The following CDH13 variants were observed in gnomAD, a reference collection of about 807,000 sequenced individuals.
CDH13 encodes the protein cadherin 13, also known as cadherin-13.
Under a neutral mutation model 63.8 loss-of-function variants are expected in CDH13, and 24 were observed. The ratio of observed to expected loss-of-function variants is 0.38; its 90% confidence interval spans 0.27 to 0.53. The LOEUF is 0.53. Ranked by LOEUF, CDH13 falls within the 20% of genes least tolerant of loss-of-function variation. The pLI is 0.85. For synonymous variants in CDH13, 503 were observed against 355.3 expected (o/e 1.42, Z -4.67); for missense variants, 1,049 against 903.1 (o/e 1.16, Z -2.07).
At chr16:83,324,171 C>T (rs546040298) in intron 5 of CDH13, among the ~76,000 whole-genome samples, 27 of 151,790 alleles carry the variant, frequency 1.8e-4, no homozygotes, top group East Asian at 9.7e-4. Flanking sequence ...TGAGTATCTG[C>T]GATGACAGGC....
At chr16:82,967,085 G>C (rs1907953261) in intron 2 of CDH13, among the ~76,000 whole-genome samples, 1 of 152,168 alleles carries the variant, frequency 6.6e-6, no homozygotes, top group African/African-American at 2.4e-5. Context: ...CCATGACATA[G>C]TTGAAGATTA....
chr16:82,667,063 A>C (rs931592298), intron 1 of CDH13, among the ~76,000 whole-genome samples: 22 of 152,188 alleles, frequency 1.4e-4, no homozygotes, highest in African/African-American at 4.6e-4. Flanking sequence ...CAAAGGAATC[A>C]GCTGTTCCTT....
intron 6 of CDH13, among the ~76,000 whole-genome samples, chr16:83,382,257 T>C (rs541711039): frequency 8.1e-4 from 123 of 152,158 alleles, no homozygotes; most frequent in Non-Finnish European, 1.4e-3. Context: ...AAAATGAACA[T>C]TGACCAATAC....
chr16:82,828,929 A>G (rs1176707023), intron 1 of CDH13, among the ~76,000 whole-genome samples: 2 of 152,124 alleles, frequency 1.3e-5, no homozygotes, highest in Non-Finnish European at 2.9e-5. Flanking sequence ...ACCAAGGGAC[A>G]ATTGTGCTAA....
At chr16:82,947,583 A>T (rs1335504584) in intron 2 of CDH13, among the ~76,000 whole-genome samples, 1 of 152,206 alleles carries the variant, frequency 6.6e-6, no homozygotes, top group Non-Finnish European at 1.5e-5. Flanking sequence ...AATTTTACAA[A>T]AAGACATTTT....
At chr16:83,122,659 C>T (rs2035634575) in intron 3 of CDH13, among the ~76,000 whole-genome samples, 1 of 152,176 alleles carries the variant, frequency 6.6e-6, no homozygotes, top group African/African-American at 2.4e-5. Context: ...TGCAGTGGCT[C>T]ATGAAGAGAG....
At chr16:83,297,470 A>G (rs2089629582) in intron 5 of CDH13, among the ~76,000 whole-genome samples, 4 of 152,216 alleles carry the variant, frequency 2.6e-5, no homozygotes. Flanking sequence ...GTGGGACGCA[A>G]GTGAATGTAA....
chr16:83,334,062 C>T (rs1229311517), intron 5 of CDH13, among the ~76,000 whole-genome samples: 2 of 152,084 alleles, frequency 1.3e-5, no homozygotes, highest in African/African-American at 2.4e-5. Flanking sequence ...CCTTTTCTAG[C>T]TTCTAAAGGC....
chr16:83,227,580 A>G (rs1342647382), intron 5 of CDH13, among the ~76,000 whole-genome samples: 2 of 152,190 alleles, frequency 1.3e-5, no homozygotes, highest in African/African-American at 4.8e-5. Context: ...TGGCCTGCCC[A>G]CTGCTTCCTG....
chr16:83,793,205 T>A (rs751897011), intron 13 of CDH13, among the ~76,000 whole-genome samples: 1 of 152,180 alleles, frequency 6.6e-6, no homozygotes, highest in Non-Finnish European at 1.5e-5. Context: ...TTTTATGAAC[T>A]CTTAGTCCTG....
chr16:83,334,047 C>T (rs905990882), intron 5 of CDH13, among the ~76,000 whole-genome samples: 8 of 152,074 alleles, frequency 5.3e-5, no homozygotes, highest in Non-Finnish European at 1.2e-4. Flanking sequence ...AAACCCATTT[C>T]CTTGCCTTTT....
rs561865651 is a variant in CDH13, at chr16:83,324,149, G to A, written c.637-20713G>A. Among the ~76,000 whole-genome samples the A allele has an allele frequency of 2.0e-5, 3 of 150,788 alleles. No individual in the cohort carries two copies. In the South Asian group the frequency reaches 6.3e-4, roughly 31 times the overall value. The stretch of plus-strand genomic sequence containing the variant: ...ACCTCCCAGGTTCAAGTAGTTCCTT[G>A]CCTCAGCCTCCTGAGTATCTGCGAT... On this transcript the variant is annotated intron_variant, in intron 5 of 13. Coordinates refer to ENST00000567109, the MANE Select transcript of CDH13 (RefSeq NM_001257.5).
chr16:82,779,614 G>A (rs2035656190), intron 1 of CDH13, among the ~76,000 whole-genome samples: 1 of 152,140 alleles, frequency 6.6e-6, no homozygotes, highest in Admixed American at 6.5e-5. Context: ...CCAGAAGAAA[G>A]ATTTAAACAA....
chr16:83,242,178 T>C (rs933684406), intron 5 of CDH13, among the ~76,000 whole-genome samples: 6 of 152,196 alleles, frequency 3.9e-5, no homozygotes, highest in Non-Finnish European at 7.3e-5. Context: ...TTCTGTTTCA[T>C]TGAGCTAGAT....
Position 83,795,636 on chromosome 16 carries a change from G to C in CDH13, c.*606G>C, listed in dbSNP as rs1036743378. On this transcript the variant is annotated 3_prime_UTR_variant, in exon 14 of 14. Coordinates refer to ENST00000567109, the MANE Select transcript of CDH13 (RefSeq NM_001257.5). ...AATGCTGCCACAACCAGCCAGGCAG[G>C]TCCACAGAGAGGGAGAGCAGAGAAA... The C allele has an allele frequency of 1.3e-5, 2 of 152,246 alleles. No individual in the cohort carries two copies. The highest frequency in any genetic ancestry group is 2.4e-5 in the African/African-American group (1 of 41,432). The allele number at this position is 152,246 out of a possible 1,614,324, so 9.4% of individuals were successfully genotyped here.
chr16:83,231,971 A>C (rs2040008508), intron 5 of CDH13, among the ~76,000 whole-genome samples: 1 of 152,160 alleles, frequency 6.6e-6, no homozygotes. Context: ...ACAGAAACAG[A>C]AAACCAAATA....
intron 2 of CDH13, among the ~76,000 whole-genome samples, chr16:83,029,941 C>A (rs755180338): frequency 6.6e-6 from 1 of 152,206 alleles, no homozygotes; most frequent in African/African-American, 2.4e-5. Context: ...TGCTTACCCA[C>A]AAGGGGCCTC....
intron 1 of CDH13, among the ~76,000 whole-genome samples, chr16:82,835,907 C>T (rs568349154): frequency 6.6e-6 from 1 of 152,154 alleles, no homozygotes; most frequent in Non-Finnish European, 1.5e-5. Flanking sequence ...GCTACCAACA[C>T]CCCCAGGAGA....
chr16:83,360,097 A>G (rs2091134071), intron 6 of CDH13, among the ~76,000 whole-genome samples: 1 of 152,238 alleles, frequency 6.6e-6, no homozygotes, highest in Non-Finnish European at 1.5e-5. Flanking sequence ...TGTTCTGTGT[A>G]GCAGGTAACA....
Sources: gnomAD v4.1 joint callset for allele counts (sites outside exome capture counted in the v4.1 genomes callset) on GRCh38, gnomAD v4.1.1 for gene constraint, MANE v1.5 for transcripts, NCBI Gene and HGNC (gene_info 2026-07-23, HGNC 2026-07-21) for gene names.